Variants in TAOK1 observed in about 807,000 individuals in gnomAD.
The protein encoded by TAOK1 is serine/threonine-protein kinase TAO1.
In TAOK1, 21 loss-of-function variants were observed where a neutral mutation model predicts 138.3. The observed-to-expected ratio is 0.15, with a 90% CI of 0.11 to 0.22. TAOK1 has a LOEUF of 0.22. TAOK1 is among the 10% of genes least tolerant of loss of function. The pLI is 1.00. For synonymous variants in TAOK1, 361 were observed against 398.4 expected, an observed-to-expected ratio of 0.91 and a Z score of 1.12; for missense variants, 651 against 1,227.7, an observed-to-expected ratio of 0.53 and a Z score of 7.02.
At chr17:29,497,329 G>T (rs948710619) in intron 11 of TAOK1, among the ~76,000 whole-genome samples, 5 of 151,998 alleles carry the variant, frequency 3.3e-5, no homozygotes, top group African/African-American at 7.2e-5. Flanking sequence ...ATTATTTTTA[G>T]TTCTTAATGA....
intron 1 of TAOK1, among the ~76,000 whole-genome samples, chr17:29,438,460 G>A (rs1047197214): frequency 8.5e-5 from 13 of 152,122 alleles, no homozygotes; most frequent in Non-Finnish European, 1.8e-4. Context: ...TGAGGCGGGC[G>A]GACCACGTGA....
At position 29,457,838 on chromosome 17, in the gene TAOK1, C is replaced by T. The variant is rs1439730333; in HGVS notation, c.132+6158C>T. Among the ~76,000 whole-genome samples the T allele has an allele frequency of 4.6e-5, 7 of 151,638 alleles. No homozygotes were observed. The East Asian group carries it at 1.4e-3, about 30-fold the overall frequency. ...ATTAACCATAACAAAAGGCCAGGCA[C>T]GGTGGCTCACGCGTGTAATCTCAGC... On this transcript the variant is annotated intron_variant, in intron 2 of 19. Transcript: ENST00000261716.
chr17:29,403,444 A>C (rs2153020315), intron 1 of TAOK1, among the ~76,000 whole-genome samples: 1 of 152,278 alleles, frequency 6.6e-6, no homozygotes, highest in South Asian at 2.1e-4. Flanking sequence ...CTTTTTGCCA[A>C]AACCATCCAT....
intron 15 of TAOK1, chr17:29,513,512 A>G (rs1324123997): frequency 1.3e-5 from 2 of 152,190 alleles, no homozygotes; most frequent in East Asian, 3.8e-4. Flanking sequence ...TAGTCAAACA[A>G]ATAAATGCAT....
At chr17:29,406,229 A>G (rs1904987095) in intron 1 of TAOK1, among the ~76,000 whole-genome samples, 1 of 152,166 alleles carries the variant, frequency 6.6e-6, no homozygotes, top group Non-Finnish European at 1.5e-5. Flanking sequence ...AAAATGTTTC[A>G]GGTATTACCA....
intron 4 of TAOK1, among the ~76,000 whole-genome samples, chr17:29,477,370 A>G (rs1213408957): frequency 6.6e-6 from 1 of 152,006 alleles, no homozygotes; most frequent in Non-Finnish European, 1.5e-5. Context: ...TATATGAAAT[A>G]CACAGCTTAT....
At chr17:29,459,412 G>T (rs1281315716) in intron 2 of TAOK1, among the ~76,000 whole-genome samples, 17 of 151,860 alleles carry the variant, frequency 1.1e-4, no homozygotes, top group Non-Finnish European at 2.5e-4. Flanking sequence ...CTCCCGAGTA[G>T]CTGAGATTAC....
At chr17:29,417,698 C>G (rs988415972) in intron 1 of TAOK1, among the ~76,000 whole-genome samples, 5 of 152,188 alleles carry the variant, frequency 3.3e-5, no homozygotes, top group African/African-American at 1.2e-4. Context: ...ATCTCCTTGG[C>G]CTGCTTTCTG....
intron 16 of TAOK1, among the ~76,000 whole-genome samples, chr17:29,518,426 A>C (rs1439444869): frequency 1.3e-5 from 2 of 152,242 alleles, no homozygotes; most frequent in Non-Finnish European, 2.9e-5. Flanking sequence ...TTGAGGTTGC[A>C]GTGAGCCATG....
chr17:29,435,333 T>C lies in TAOK1; in HGVS notation c.-94-16122T>C, dbSNP rs937618152. ...AATTTTGGAACATGATCTCTCTCTT[T>C]CCAGTCCTCATTTTTGTTAAAAAAT... is the stretch of plus-strand genomic sequence containing the variant. On this transcript the variant is annotated intron_variant, in intron 1 of 19. Transcript: ENST00000261716. Among the ~76,000 whole-genome samples, 75 of 152,294 alleles carry C rather than the reference T, an allele frequency of 4.9e-4. 1 individual carries two copies. The highest frequency in any genetic ancestry group is 2.1e-4 in the South Asian group (1 of 4,820).
intron 19 of TAOK1, among the ~76,000 whole-genome samples, chr17:29,541,686 G>A (rs2032319307): frequency 6.6e-6 from 1 of 150,644 alleles, no homozygotes; most frequent in African/African-American, 2.4e-5. Context: ...TGAGGCTAGA[G>A]AATCGCTTGA....
rs559941042 is a variant in TAOK1 at position 29,403,465 on chromosome 17, G to A, written c.-95+12441G>A. Among the ~76,000 whole-genome samples, 35 of 152,236 alleles carry A rather than the reference G, an allele frequency of 2.3e-4. No individual in the cohort carries two copies. In the South Asian group the frequency reaches 6.8e-3, roughly 30 times the overall value. ...GCCAAAACCATCCATATCCTTGATT[G>A]TACTTGATAAGGAAACTTTGCTCTT... On this transcript the variant is annotated intron_variant, in intron 1 of 19. Coordinates refer to ENST00000261716, the MANE Select transcript of TAOK1 (RefSeq NM_020791.4).
intron 1 of TAOK1, among the ~76,000 whole-genome samples, chr17:29,447,922 C>T (rs1030066721): frequency 6.9e-6 from 1 of 144,220 alleles, no homozygotes; most frequent in African/African-American, 2.6e-5. Flanking sequence ...TCCCAAAGTG[C>T]TGGGATTACA....
rs376518061 is a variant in TAOK1, at chr17:29,417,059, G to C, written c.-95+26035G>C. Among the ~76,000 whole-genome samples the C allele has an allele frequency of 5.9e-5, 9 of 152,152 alleles. No homozygotes were observed. The East Asian group carries it at 9.6e-4, about 16-fold the overall frequency. On this transcript the variant is annotated intron_variant, in intron 1 of 19. Coordinates refer to ENST00000261716, the MANE Select transcript of TAOK1 (RefSeq NM_020791.4). The stretch of plus-strand genomic sequence containing the variant: ...GATGGAGTCTCACTCTGTCGTCCAG[G>C]CGGGAGTGCAGTGGCACTTTCTCGG...
chr17:29,530,314 T>C (rs2032080263), intron 17 of TAOK1, 93 bp from the exon 18 acceptor site: 1 of 1,140,568 alleles, frequency 8.8e-7, no homozygotes, highest in Non-Finnish European at 1.3e-6. Context: ...CTCATTTTTT[T>C]CCTAGTAGCC....
chr17:29,479,160 A>C (rs529729487), intron 6 of TAOK1, among the ~76,000 whole-genome samples: 1 of 151,962 alleles, frequency 6.6e-6, no homozygotes, highest in East Asian at 1.9e-4. Flanking sequence ...AAAAAAAAAA[A>C]CAGAAGCTGC....
intron 16 of TAOK1, among the ~76,000 whole-genome samples, chr17:29,519,723 G>A (rs2031883047): frequency 6.6e-6 from 1 of 152,124 alleles, no homozygotes; most frequent in African/African-American, 2.4e-5. Context: ...GTAATAGCAT[G>A]TGTTAACAGA....
intron 1 of TAOK1, among the ~76,000 whole-genome samples, chr17:29,409,326 TATATATA>T (rs200610396): frequency 3.6e-4 from 27 of 74,634 alleles, no homozygotes; most frequent in African/African-American, 1.5e-3. Flanking sequence ...TATATATATA[TATATATA>T]TTTTTTTTTT....
intron 2 of TAOK1, among the ~76,000 whole-genome samples, chr17:29,455,796 C>T (rs1488646976): frequency 1.3e-5 from 2 of 149,994 alleles, no homozygotes; most frequent in Non-Finnish European, 2.9e-5. Context: ...TTTAAATCAC[C>T]CTTACATGTC....
Sources: gnomAD v4.1 joint callset for allele counts (sites outside exome capture counted in the v4.1 genomes callset) on GRCh38, gnomAD v4.1.1 for gene constraint, MANE v1.5 for transcripts, NCBI Gene and HGNC (gene_info 2026-07-23, HGNC 2026-07-21) for gene names.